Variants in PTPRG observed in about 807,000 individuals in gnomAD.
PTPRG encodes the protein receptor-type tyrosine-protein phosphatase gamma.
A neutral mutation model predicts 165.3 loss-of-function variants in PTPRG; 102 were observed. That is an observed-to-expected ratio of 0.62 (90% CI 0.53 to 0.73). PTPRG has a LOEUF of 0.73. Among genes scored for constraint, PTPRG ranks in the 30% least tolerant of loss-of-function variants. PTPRG has a pLI of 0.00. For synonymous variants in PTPRG, 675 were observed against 669.5 expected (o/e 1.01, Z -0.13); for missense variants, 1,866 against 1,861.4 (o/e 1.00, Z -0.05).
chr3:62,221,254 C>T (rs1700644571), intron 13 of PTPRG, among the ~76,000 whole-genome samples: 1 of 152,200 alleles, frequency 6.6e-6, no homozygotes, highest in African/African-American at 2.4e-5. Flanking sequence ...GCATATATTT[C>T]ATCAAAAGCT....
intron 1 of PTPRG, among the ~76,000 whole-genome samples, chr3:61,640,066 T>G (rs1475676732): frequency 1.3e-5 from 2 of 152,196 alleles, no homozygotes; most frequent in Non-Finnish European, 2.9e-5. Context: ...ACGTTTCTCT[T>G]TAACTGGGTT....
In PTPRG at chr3:62,203,908, G is replaced by T. The variant is rs750425296; in HGVS notation, c.2113G>T (p.Asp705Tyr). Residue 705 changes from aspartate (D) to tyrosine (Y), a missense_variant, in exon 12 of 30, where the codon GAC (aspartate) becomes TAC (tyrosine). Transcript: ENST00000474889. This position sits in a 1 kb window ranked among gnomAD's most constrained non-coding sequence, Gnocchi z 6.4. ...MPSKKPMSRG[D>Y]RFSEDSRFIT... ...ATCTAAAAAGCCTATGTCCCGCGGG[G>T]ACCGATTTTCTGAAGACAGCAGATT... 2.9e-5 allele frequency: 47 copies of T among 1,599,512 alleles called. No individual in the cohort carries two copies. Among genetic ancestry groups the T allele is most frequent in the Non-Finnish European group, 3.6e-5 (42 of 1,172,410 alleles).
chr3:62,209,023 G>A (rs1700296008), intron 12 of PTPRG, among the ~76,000 whole-genome samples: 1 of 152,256 alleles, frequency 6.6e-6, no homozygotes, highest in East Asian at 1.9e-4. Flanking sequence ...TCTTCCCCAT[G>A]TGATGCTGGC....
chr3:61,937,949 T>TC (rs1553693798), intron 2 of PTPRG, among the ~76,000 whole-genome samples: 2 of 151,166 alleles, frequency 1.3e-5, no homozygotes, highest in African/African-American at 4.9e-5. Context: ...TTTTTTTTTT[T>TC]CCCCCTTCAG....
intron 2 of PTPRG, among the ~76,000 whole-genome samples, chr3:61,926,861 T>C (rs1420786911): frequency 1.3e-5 from 2 of 151,784 alleles, no homozygotes; most frequent in Admixed American, 1.3e-4. Context: ...GTTCTGACAG[T>C]GTTCATAGTG....
intron 12 of PTPRG, among the ~76,000 whole-genome samples, chr3:62,209,395 A>G (rs184309006): frequency 6.6e-6 from 1 of 152,308 alleles, no homozygotes; most frequent in Non-Finnish European, 1.5e-5. Flanking sequence ...TCCTTATTGA[A>G]GAAGTTTACT....
At chr3:61,599,313 A>G (rs1048745535) in intron 1 of PTPRG, among the ~76,000 whole-genome samples, 1 of 151,974 alleles carries the variant, frequency 6.6e-6, no homozygotes, top group Admixed American at 6.6e-5. Context: ...ACGCCTGGCT[A>G]ATTTTTGTAT....
chr3:61,905,630 T>G (rs1249182482), intron 2 of PTPRG, among the ~76,000 whole-genome samples: 1 of 152,234 alleles, frequency 6.6e-6, no homozygotes. Context: ...TGTTTTGGTC[T>G]GTATTTCAGT....
chr3:61,757,269 A>C (rs887844582), intron 2 of PTPRG, among the ~76,000 whole-genome samples: 10 of 152,304 alleles, frequency 6.6e-5, no homozygotes, highest in African/African-American at 1.9e-4. Flanking sequence ...TTATATTTCT[A>C]TAATATTTTA....
rs777472818 is a variant in PTPRG, at chr3:62,195,073, T to C, written c.1230T>C (p.Ile410=). 1.2e-6 allele frequency: 2 copies of C among 1,614,022 alleles called. No individual in the cohort carries two copies. Among genetic ancestry groups the C allele is most frequent in the Non-Finnish European group, 1.7e-6 (2 of 1,180,006 alleles). The change falls in exon 10 of 30, where the codon ATT becomes ATC. Residue 410 remains isoleucine (I), a synonymous_variant. Transcript: ENST00000474889. This position sits in a 1 kb window ranked among gnomAD's most constrained non-coding sequence, Gnocchi z 4.4. ...TTCTTTACTTACAGAAAGCCACCAT[T>C]AGCCATGTCTCACCCGATAGCCTTT... The part of the protein sequence containing the change: ...KDSDKDLKAT[I]SHVSPDSLYL...
At chr3:62,094,741 C>A (rs549572339) in intron 5 of PTPRG, among the ~76,000 whole-genome samples, 2 of 152,216 alleles carry the variant, frequency 1.3e-5, no homozygotes, top group East Asian at 1.9e-4. Flanking sequence ...GAATTTGTTT[C>A]TGCAGTGGAC....
Position 62,273,898 on chromosome 3 carries a change from C to T in PTPRG, c.3465+54C>T. The T allele has an allele frequency of 1.3e-6, 2 of 1,570,814 alleles. No individual in the cohort carries two copies. The highest frequency in any genetic ancestry group is 2.3e-5 in the South Asian group (2 of 88,138). On this transcript the variant is annotated intron_variant, in intron 23 of 29. Coordinates refer to ENST00000474889, the MANE Select transcript of PTPRG (RefSeq NM_002841.4). This position sits in a 1 kb window ranked among gnomAD's most constrained non-coding sequence, Gnocchi z 4.1. ...TAAAGCAAGAAAATGTTTTAAATGC[C>T]TTGAGTTTGGGGGTTATGTCTTCTT...
At chr3:61,965,758 G>A (rs929992421) in intron 2 of PTPRG, among the ~76,000 whole-genome samples, 17 of 152,340 alleles carry the variant, frequency 1.1e-4, no homozygotes, top group African/African-American at 3.8e-4. Flanking sequence ...AATTCTAAGA[G>A]TTAGGTGCTG....
At chr3:61,613,478 G>C (rs1484984534) in intron 1 of PTPRG, among the ~76,000 whole-genome samples, 1 of 152,208 alleles carries the variant, frequency 6.6e-6, no homozygotes, top group East Asian at 1.9e-4. Context: ...GTGTTTCTTA[G>C]ATTGGAAGGA....
chr3:61,772,533 A>G (rs2034241110), intron 2 of PTPRG, among the ~76,000 whole-genome samples: 2 of 152,104 alleles, frequency 1.3e-5, no homozygotes, highest in South Asian at 2.1e-4. Flanking sequence ...CCCCAAGCCT[A>G]CTTTCCTGAG....
At position 61,582,341 on chromosome 3, in the gene PTPRG, A is replaced by T. The variant is rs115470740; in HGVS notation, c.85+19969A>T. ...ATATCATATATTCATACATGTCATT[A>T]TATCTAAATGATAAAAATCACAAGA... On this transcript the variant is annotated intron_variant, in intron 1 of 29. Transcript: ENST00000474889. Among the ~76,000 whole-genome samples the T allele has an allele frequency of 4.6e-3, 699 of 152,270 alleles. 5 individuals carry two copies. Among genetic ancestry groups the T allele is most frequent in the African/African-American group, 0.016 (648 of 41,554 alleles).
intron 1 of PTPRG, among the ~76,000 whole-genome samples, chr3:61,672,780 A>AG (rs1559550862): frequency 1.7e-5 from 2 of 118,006 alleles, no homozygotes. Flanking sequence ...AGAGGGAGAG[A>AG]GGGAGAGAGA....
At chr3:61,843,735 C>T (rs554851638) in intron 2 of PTPRG, among the ~76,000 whole-genome samples, 2 of 151,738 alleles carry the variant, frequency 1.3e-5, no homozygotes, top group Non-Finnish European at 2.9e-5. Flanking sequence ...GAAATCGTAG[C>T]TCAAATCATT....
intron 4 of PTPRG, among the ~76,000 whole-genome samples, chr3:62,014,440 T>C (rs188267805): frequency 5.9e-5 from 9 of 152,346 alleles, no homozygotes; most frequent in African/African-American, 1.9e-4. Flanking sequence ...CAGGGTACTT[T>C]AAAACTCAGG....
Sources: allele counts gnomAD v4.1 joint callset (sites outside exome capture counted in the v4.1 genomes callset), GRCh38; gene constraint gnomAD v4.1.1; non-coding constraint Gnocchi (gnomAD v3.1); transcripts MANE v1.5; gene names NCBI Gene and HGNC (gene_info 2026-07-23, HGNC 2026-07-21).